ZBTB8OS: variants seen among roughly 807,000 people sequenced by gnomAD.
ZBTB8OS encodes tRNA-splicing ligase-activating factor archease.
Under a neutral mutation model 29.3 loss-of-function variants are expected in ZBTB8OS, and 16 were observed. The ratio of observed to expected loss-of-function variants is 0.55; its 90% confidence interval spans 0.37 to 0.83. The LOEUF (loss-of-function observed/expected upper bound fraction) is 0.83. ZBTB8OS is among the 40% of genes least tolerant of loss of function. ZBTB8OS has a pLI of 0.00. For missense variants in ZBTB8OS, 160 were observed against 196.9 expected (o/e 0.81, Z 1.12); for synonymous variants, 70 against 64.6 (o/e 1.08, Z -0.40).
At chr1:32,650,703 T>C, upstream of ZBTB8OS, 2 of 1,195,032 alleles carry the variant, frequency 1.7e-6, no homozygotes, top group African/African-American at 1.5e-5. Context: ...GGATCGCATA[T>C]TTAAAAAGCC....
chr1:32,627,255 G>C (rs931872870), intron 6 of ZBTB8OS, among the ~76,000 whole-genome samples: 2 of 152,126 alleles, frequency 1.3e-5, no homozygotes, highest in Non-Finnish European at 2.9e-5. Flanking sequence ...AGGTCAAAAA[G>C]GCAAAGAGAA....
At chr1:32,639,416 G>A (rs1349365522) in intron 1 of ZBTB8OS, among the ~76,000 whole-genome samples, 1 of 152,012 alleles carries the variant, frequency 6.6e-6, no homozygotes, top group Non-Finnish European at 1.5e-5. Context: ...GGGCTCAAGT[G>A]CTTACCACCA....
At chr1:32,641,256 AT>A (rs916419871) in intron 1 of ZBTB8OS, among the ~76,000 whole-genome samples, 1 of 146,818 alleles carries the variant, frequency 6.8e-6, no homozygotes, top group African/African-American at 2.5e-5. Context: ...TCACAACTCA[AT>A]TACACAAGTT....
At chr1:32,637,181 C>A (rs1425501437) in intron 1 of ZBTB8OS, among the ~76,000 whole-genome samples, 2 of 152,054 alleles carry the variant, frequency 1.3e-5, no homozygotes, top group Non-Finnish European at 2.9e-5. Flanking sequence ...GCTCTTTTCC[C>A]ACAGTAGTTA....
At chr1:32,643,066 T>G (rs1236936473) in intron 1 of ZBTB8OS, among the ~76,000 whole-genome samples, 3 of 96,264 alleles carry the variant, frequency 3.1e-5, no homozygotes, top group Non-Finnish European at 6.2e-5. Flanking sequence ...CCACCGTGCC[T>G]GGCCTTTTTT....
chr1:32,644,245 C>T (rs1417665460), intron 1 of ZBTB8OS, among the ~76,000 whole-genome samples: 1 of 152,082 alleles, frequency 6.6e-6, no homozygotes, highest in African/African-American at 2.4e-5. Flanking sequence ...TATAGCTTGC[C>T]ACAGTATCTT....
chr1:32,647,868 T>A (rs1268607099), intron 1 of ZBTB8OS, among the ~76,000 whole-genome samples: 1 of 152,180 alleles, frequency 6.6e-6, no homozygotes, highest in Non-Finnish European at 1.5e-5. Context: ...ACAATAAATG[T>A]AATGCGCTTG....
intron 6 of ZBTB8OS, among the ~76,000 whole-genome samples, chr1:32,625,488 C>T (rs968609487): frequency 3.3e-5 from 5 of 151,968 alleles, no homozygotes; most frequent in Admixed American, 2.6e-4. Flanking sequence ...GAGCTGAGAT[C>T]GTGCCACTGC....
chr1:32,650,464 G>A lies in ZBTB8OS; in HGVS notation c.66C>T (p.Ala22=), dbSNP rs1326889402. 80 of 1,614,040 alleles carry A rather than the reference G, an allele frequency of 5.0e-5. No individual in the cohort carries two copies. The highest frequency in any genetic ancestry group is 6.7e-5 in the Non-Finnish European group (79 of 1,180,040). The change falls in exon 1 of 7, where the codon GCC becomes GCT. Residue 22 remains alanine, a synonymous_variant. Coordinates refer to ENST00000468695, the MANE Select transcript of ZBTB8OS (RefSeq NM_178547.5). ...ACTTCCTATTGACTGGCGGATACTT[G>A]GCCTTGATCGCCTTCTGTTCTTCAG... ...NLTEEQKAIK[A]KYPPVNRKYE...
intron 5 of ZBTB8OS, among the ~76,000 whole-genome samples, chr1:32,630,998 C>A (rs1401986069): frequency 6.6e-6 from 1 of 151,736 alleles, no homozygotes; most frequent in African/African-American, 2.4e-5. Context: ...CAGAGCGAGA[C>A]TCTGTCTCAA....
chr1:32,650,584 G>A (rs373757786), upstream of ZBTB8OS: 74 of 1,613,382 alleles, frequency 4.6e-5, no homozygotes, highest in Admixed American at 6.7e-5. Context: ...CTTCGGCCCG[G>A]AGTTACTACT....
chr1:32,644,422 G>A (rs534908070), intron 1 of ZBTB8OS, among the ~76,000 whole-genome samples: 6 of 152,118 alleles, frequency 3.9e-5, no homozygotes, highest in Non-Finnish European at 7.4e-5. Context: ...GGAAAAGGGA[G>A]AGTCTAAAAA....
At chr1:32,643,316 A>G (rs1233073074) in intron 1 of ZBTB8OS, among the ~76,000 whole-genome samples, 2 of 150,754 alleles carry the variant, frequency 1.3e-5, no homozygotes, top group African/African-American at 4.9e-5. Flanking sequence ...CAGGTGATTC[A>G]CCCGCCTTGG....
At chr1:32,628,097 C>T (rs1237660353) in intron 5 of ZBTB8OS, among the ~76,000 whole-genome samples, 9 of 152,006 alleles carry the variant, frequency 5.9e-5, no homozygotes, top group African/African-American at 1.7e-4. Flanking sequence ...GTAACCCCAG[C>T]ACTTTGGGAG....
intron 5 of ZBTB8OS, among the ~76,000 whole-genome samples, chr1:32,629,749 C>CTTT (rs869185319): frequency 6.8e-4 from 78 of 114,100 alleles, no homozygotes; most frequent in Non-Finnish European, 9.5e-4. Context: ...ATGCTTGTTT[C>CTTT]TTTTTTTTTT....
chr1:32,643,659 C>T (rs1022615300), intron 1 of ZBTB8OS, among the ~76,000 whole-genome samples: 2 of 152,010 alleles, frequency 1.3e-5, no homozygotes, highest in East Asian at 3.9e-4. Flanking sequence ...CCACACTGGG[C>T]TAATTTTTTG....
At chr1:32,629,785 G>A (rs1017055809) in intron 5 of ZBTB8OS, among the ~76,000 whole-genome samples, 2 of 132,400 alleles carry the variant, frequency 1.5e-5, no homozygotes, top group African/African-American at 5.7e-5. Flanking sequence ...CCAGAGTCTC[G>A]CGCTGTTGCC....
At chr1:32,638,038 T>C (rs1646117687) in intron 1 of ZBTB8OS, among the ~76,000 whole-genome samples, 1 of 152,042 alleles carries the variant, frequency 6.6e-6, no homozygotes, top group African/African-American at 2.4e-5. Flanking sequence ...GATTTTGCCA[T>C]GTTGGCCAGG....
intron 1 of ZBTB8OS, among the ~76,000 whole-genome samples, chr1:32,635,224 G>A (rs2148385910): frequency 6.6e-6 from 1 of 151,502 alleles, no homozygotes; most frequent in Admixed American, 6.6e-5. Context: ...CGGTACTATA[G>A]CACATTCCCA....
Sources: gnomAD v4.1 joint callset for allele counts (sites outside exome capture counted in the v4.1 genomes callset) on GRCh38, gnomAD v4.1.1 for gene constraint, MANE v1.5 for transcripts, NCBI Gene and HGNC (gene_info 2026-07-23, HGNC 2026-07-21) for gene names.